The following LY75 variants were observed in gnomAD, a reference collection of about 807,000 sequenced individuals.
LY75 encodes C-type lectin domain family 13 member B.
Under a neutral mutation model 231.7 loss-of-function variants are expected in LY75, and 185 were observed. The observed-to-expected ratio is 0.80, with a 90% CI of 0.71 to 0.90. LY75 has a LOEUF of 0.90. Among genes scored for constraint, LY75 ranks in the 40% least tolerant of loss-of-function variants. The probability of loss-of-function intolerance (pLI) is 0.00; values close to 1 mark genes in which losing one functional copy is unlikely to be tolerated. For missense variants in LY75, 1,947 were observed against 2,050.2 expected, an observed-to-expected ratio of 0.95 and a Z score of 0.97; for synonymous variants, 668 against 689.0, an observed-to-expected ratio of 0.97 and a Z score of 0.48.
At position 159,832,012 on chromosome 2, in the gene LY75, A is replaced by C. The variant is rs1218744890; in HGVS notation, c.3842-226T>G. Among the ~76,000 whole-genome samples the C allele has an allele frequency of 4.6e-5, 7 of 152,238 alleles. No homozygotes were observed. The East Asian group carries it at 1.3e-3, about 29-fold the overall frequency. On this transcript the variant is annotated intron_variant, in intron 27 of 34. Transcript: ENST00000263636. ...TAAATTTGGTCTTATGGTATAATAGAAAACTAGTAGCTGAGTAGAGAATTT... is the reference window on the plus strand; with the variant it reads ...TAAATTTGGTCTTATGGTATAATAGCAAACTAGTAGCTGAGTAGAGAATTT...
chr2:159,853,771 T>C, intron 18 of LY75, 74 bp from the exon 19 acceptor site: 2 of 1,591,670 alleles, frequency 1.3e-6, no homozygotes, highest in African/African-American at 2.7e-5. Context: ...ATACATTGTC[T>C]TACTATAATC....
At chr2:159,818,188 A>G (rs78033467) in intron 29 of LY75, among the ~76,000 whole-genome samples, 6 of 152,202 alleles carry the variant, frequency 3.9e-5, no homozygotes, top group Non-Finnish European at 8.8e-5. Context: ...TTTCTACCCT[A>G]TTAAGTGTGG....
At chr2:159,851,355 T>A (rs2729704) in intron 21 of LY75, among the ~76,000 whole-genome samples, 89,601 of 151,162 alleles carry the variant, frequency 0.59, 27,223 homozygotes, top group African/African-American at 0.7. Flanking sequence ...ACAAAAAAAA[T>A]TTTTTTTTCA....
chr2:159,888,532 A>G (rs1359104994), intron 4 of LY75, among the ~76,000 whole-genome samples: 1 of 152,202 alleles, frequency 6.6e-6, no homozygotes, highest in Non-Finnish European at 1.5e-5. Flanking sequence ...GGTTGTAGTA[A>G]TGATTAATGG....
intron 29 of LY75, among the ~76,000 whole-genome samples, chr2:159,818,741 A>C (rs894002984): frequency 6.6e-6 from 1 of 152,208 alleles, no homozygotes; most frequent in Non-Finnish European, 1.5e-5. Context: ...GCTCTGTACT[A>C]TCTTTGCAAC....
At chr2:159,868,064 C>G (rs1191508324) in intron 13 of LY75, among the ~76,000 whole-genome samples, 1 of 152,136 alleles carries the variant, frequency 6.6e-6, no homozygotes, top group Non-Finnish European at 1.5e-5. Flanking sequence ...GAATCATTTT[C>G]TAATATAAAT....
chr2:159,874,752 TTGTAAATATA>T (rs1685191425), intron 12 of LY75, among the ~76,000 whole-genome samples: 1 of 110,106 alleles, frequency 9.1e-6, no homozygotes, highest in African/African-American at 3.6e-5. Context: ...TATATATATT[TTGTAAATATA>T]TGTAAATATA....
At chr2:159,872,280 T>G (rs767219982) in intron 13 of LY75, 171 bp downstream of exon 13, 30 of 738,042 alleles carry the variant, frequency 4.1e-5, no homozygotes, top group Non-Finnish European at 5.7e-5. Flanking sequence ...TCATAGTGTC[T>G]GCACATTAAG....
At chr2:159,899,500 T>C (rs1371443449) in intron 1 of LY75, among the ~76,000 whole-genome samples, 8 of 152,252 alleles carry the variant, frequency 5.3e-5, no homozygotes, top group Non-Finnish European at 1.2e-4. Flanking sequence ...ATGAAAAGTC[T>C]AGTTGGGACC....
intron 8 of LY75, 79 bp from the exon 9 acceptor site, chr2:159,879,448 G>C (rs1457791795): frequency 1.3e-6 from 2 of 1,550,076 alleles, no homozygotes; most frequent in Non-Finnish European, 1.7e-6. Flanking sequence ...CAAAAACTAT[G>C]ACAGAGACAG....
chr2:159,806,282 G>A (rs1318602395), intron 34 of LY75, among the ~76,000 whole-genome samples: 1 of 151,940 alleles, frequency 6.6e-6, no homozygotes, highest in Non-Finnish European at 1.5e-5. Context: ...TGCAAAACAG[G>A]GCATGGCATA....
At chr2:159,880,999 C>A in intron 8 of LY75, 84 bp downstream of exon 8, 1 of 1,502,138 alleles carries the variant, frequency 6.7e-7, no homozygotes, top group South Asian at 1.3e-5. Context: ...CCAGCTTATA[C>A]GCAAACTTCC....
At chr2:159,807,241 A>T in intron 33 of LY75, 101 bp from the exon 34 acceptor site, 1 of 1,297,314 alleles carries the variant, frequency 7.7e-7, no homozygotes, top group Non-Finnish European at 1.0e-6. Context: ...GTCCAATATG[A>T]GAGCCACTTG....
chr2:159,823,646 A>G (rs1683369576), intron 28 of LY75, among the ~76,000 whole-genome samples: 1 of 152,130 alleles, frequency 6.6e-6, no homozygotes, highest in Admixed American at 6.5e-5. Flanking sequence ...ACACATAATC[A>G]TCAAATTTAC....
At chr2:159,878,122 G>T (rs1202497883) in intron 11 of LY75, among the ~76,000 whole-genome samples, 3 of 152,172 alleles carry the variant, frequency 2.0e-5, no homozygotes, top group Admixed American at 6.5e-5. Flanking sequence ...CTAAGTTTTT[G>T]AATTTCTTTC....
At chr2:159,896,915 G>C (rs2125885649) in intron 2 of LY75, among the ~76,000 whole-genome samples, 1 of 152,220 alleles carries the variant, frequency 6.6e-6, no homozygotes, top group African/African-American at 2.4e-5. Context: ...TTTAAAAAAA[G>C]CTTTAGTGTT....
At chr2:159,849,075 C>G (rs1384716104) in intron 23 of LY75, among the ~76,000 whole-genome samples, 2 of 152,148 alleles carry the variant, frequency 1.3e-5, no homozygotes. Flanking sequence ...TGCGTTTACT[C>G]TAACTTCCAC....
At chr2:159,900,013 C>T (rs554498085) in intron 1 of LY75, among the ~76,000 whole-genome samples, 5 of 152,154 alleles carry the variant, frequency 3.3e-5, no homozygotes, top group South Asian at 2.1e-4. Context: ...AAGGCTGAAC[C>T]CCAAACTCCA....
At chr2:159,869,566 G>T (rs773645129) in intron 13 of LY75, among the ~76,000 whole-genome samples, 3 of 152,192 alleles carry the variant, frequency 2.0e-5, no homozygotes, top group Non-Finnish European at 2.9e-5. Flanking sequence ...TTAGAATCTT[G>T]CGAGGCCGCA....
Sources: allele counts gnomAD v4.1 joint callset (sites outside exome capture counted in the v4.1 genomes callset), GRCh38; gene constraint gnomAD v4.1.1; transcripts MANE v1.5; gene names NCBI Gene and HGNC (gene_info 2026-07-23, HGNC 2026-07-21).